The following RGS20 variants were observed in gnomAD, a reference collection of about 807,000 sequenced individuals.
RGS20 encodes regulator of G protein signaling 20, also known as gz-selective GTPase-activating protein.
A neutral mutation model predicts 33.6 loss-of-function variants in RGS20; 30 were observed. The ratio of observed to expected loss-of-function variants is 0.89; its 90% confidence interval spans 0.67 to 1.21. RGS20 has a LOEUF of 1.21. RGS20 is among the 50% of genes most tolerant of loss of function. The pLI is 0.00. For missense variants in RGS20, 472 were observed against 502.4 expected (o/e 0.94, Z 0.58); for synonymous variants, 208 against 197.9 (o/e 1.05, Z -0.43).
At chr8:53,944,265 C>T (rs994541020) in intron 3 of RGS20, among the ~76,000 whole-genome samples, 3 of 152,116 alleles carry the variant, frequency 2.0e-5, no homozygotes, top group Non-Finnish European at 4.4e-5. Flanking sequence ...TTTGGCCAGG[C>T]GCGATGGCTC....
chr8:53,864,844 A>G (rs1811886190), intron 1 of RGS20, among the ~76,000 whole-genome samples: 1 of 152,208 alleles, frequency 6.6e-6, no homozygotes, highest in Admixed American at 6.5e-5. Flanking sequence ...GAAATTAATG[A>G]CAGTTAAGAA....
chr8:53,875,429 C>CAAAA (rs755991643), intron 1 of RGS20, among the ~76,000 whole-genome samples: 718 of 55,660 alleles, frequency 0.013, 7 homozygotes, highest in African/African-American at 0.028. Context: ...AAGACTCTGT[C>CAAAA]AAAAAAAAAA....
intron 2 of RGS20, among the ~76,000 whole-genome samples, chr8:53,911,912 G>T (rs761049774): frequency 3.9e-5 from 6 of 152,180 alleles, no homozygotes; most frequent in Non-Finnish European, 7.3e-5. Flanking sequence ...CTTAACTCCA[G>T]CTTGGGTGAT....
intron 2 of RGS20, among the ~76,000 whole-genome samples, chr8:53,932,951 G>C (rs1182190279): frequency 2.0e-5 from 3 of 152,208 alleles, no homozygotes; most frequent in Non-Finnish European, 2.9e-5. Flanking sequence ...TGCAGCCTTT[G>C]CTAGTGATAC....
At chr8:53,866,956 A>G (rs1771136341) in intron 1 of RGS20, among the ~76,000 whole-genome samples, 1 of 152,106 alleles carries the variant, frequency 6.6e-6, no homozygotes, top group Admixed American at 6.6e-5. Flanking sequence ...GAGACTGATT[A>G]CGTATCAGAG....
intron 2 of RGS20, among the ~76,000 whole-genome samples, chr8:53,901,359 C>T (rs1171849975): frequency 6.6e-6 from 1 of 152,138 alleles, no homozygotes; most frequent in Non-Finnish European, 1.5e-5. Context: ...TGAACCACCG[C>T]GCCCAGCCTA....
chr8:53,870,801 G>A (rs1236136727), intron 1 of RGS20, among the ~76,000 whole-genome samples: 1 of 152,060 alleles, frequency 6.6e-6, no homozygotes, highest in Admixed American at 6.6e-5. Flanking sequence ...AGATATAAAT[G>A]TCTAGCAGCA....
chr8:53,889,001 A>T (rs1168514409), intron 2 of RGS20, among the ~76,000 whole-genome samples: 1 of 152,234 alleles, frequency 6.6e-6, no homozygotes, highest in South Asian at 2.1e-4. Flanking sequence ...ATTATGAATA[A>T]TGCTAATATG....
At chr8:53,956,930 C>A (rs927501973) in intron 5 of RGS20, among the ~76,000 whole-genome samples, 1 of 152,154 alleles carries the variant, frequency 6.6e-6, no homozygotes, top group Non-Finnish European at 1.5e-5. Context: ...GGCAGATCAC[C>A]TTGTCTAGGA....
intron 1 of RGS20, among the ~76,000 whole-genome samples, chr8:53,878,625 C>G (rs1008014329): frequency 1.3e-5 from 2 of 152,096 alleles, no homozygotes; most frequent in African/African-American, 4.8e-5. Flanking sequence ...TACCTACAGC[C>G]GCACTGGCCA....
intron 2 of RGS20, among the ~76,000 whole-genome samples, chr8:53,921,318 G>T (rs1425227957): frequency 6.6e-6 from 1 of 152,030 alleles, no homozygotes; most frequent in Non-Finnish European, 1.5e-5. Flanking sequence ...AGAATAAGTT[G>T]GGAAGTATTC....
intron 2 of RGS20, chr8:53,881,063 C>T (rs753536710): frequency 5.2e-6 from 8 of 1,547,480 alleles, no homozygotes; most frequent in Non-Finnish European, 6.9e-6. Flanking sequence ...CCTCCCCGGC[C>T]GGCAGGGTGG....
rs763334630 is a variant in RGS20, at chr8:53,958,396, A to T, written c.1105A>T (p.Met369Leu). ...GCACAGAGACTCATATCCTCGATTC[A>T]TGAACTCTGCTGTCTATAAGGACTT... The change falls in exon 6 of 6, where the codon ATG becomes TTG. Residue 369 changes from methionine to leucine, a missense_variant. Physicochemically the swap from Met to Leu is conservative, Grantham distance 15. This residue lies in a region of RGS20 where 125 missense variants were observed against 169.5 expected (regional missense o/e 0.74). Coordinates refer to ENST00000297313, the MANE Select transcript of RGS20 (RefSeq NM_170587.4). 1 of 1,613,450 alleles carries T rather than the reference A, an allele frequency of 6.2e-7. No homozygotes were observed. Among genetic ancestry groups the T allele is most frequent in the East Asian group, 2.2e-5 (1 of 44,808 alleles).
At chr8:53,944,814 A>G (rs1454078136) in intron 3 of RGS20, among the ~76,000 whole-genome samples, 1 of 152,212 alleles carries the variant, frequency 6.6e-6, no homozygotes, top group Non-Finnish European at 1.5e-5. Context: ...AAACATCTGA[A>G]CACACATCTC....
chr8:53,908,577 T>C (rs1175286958), intron 2 of RGS20, among the ~76,000 whole-genome samples: 1 of 151,764 alleles, frequency 6.6e-6, no homozygotes, highest in Non-Finnish European at 1.5e-5. Flanking sequence ...GAGGCAGAAG[T>C]TGCAGTGAGC....
intron 2 of RGS20, among the ~76,000 whole-genome samples, chr8:53,922,664 A>G (rs1427239511): frequency 6.6e-6 from 1 of 151,770 alleles, no homozygotes; most frequent in Non-Finnish European, 1.5e-5. Flanking sequence ...CTGTATGTGT[A>G]TATTTTTTAA....
intron 1 of RGS20, among the ~76,000 whole-genome samples, chr8:53,874,487 T>C (rs1253832991): frequency 6.6e-6 from 1 of 152,014 alleles, no homozygotes; most frequent in South Asian, 2.1e-4. Flanking sequence ...GTGGAGGGTG[T>C]CAAGTCTGAA....
chr8:53,874,437 A>T (rs1402999981), intron 1 of RGS20, among the ~76,000 whole-genome samples: 3 of 151,790 alleles, frequency 2.0e-5, no homozygotes, highest in South Asian at 2.1e-4. Flanking sequence ...TGTGTGTTAC[A>T]TGGGGAGAGA....
intron 2 of RGS20, among the ~76,000 whole-genome samples, chr8:53,928,717 G>A (rs1363282500): frequency 3.3e-5 from 5 of 151,984 alleles, no homozygotes; most frequent in Admixed American, 1.3e-4. Context: ...TAGCTACTCG[G>A]GAGGCTGAGG....
Sources: gnomAD v4.1 joint callset for allele counts (sites outside exome capture counted in the v4.1 genomes callset) on GRCh38, gnomAD v4.1.1 for gene constraint, gnomAD v4.1.1 regional missense constraint, MANE v1.5 for transcripts, NCBI Gene and HGNC (gene_info 2026-07-23, HGNC 2026-07-21) for gene names.